PCP4: variants seen among roughly 807,000 people sequenced by gnomAD.
PCP4 encodes the protein Purkinje cell protein 4.
A neutral mutation model predicts 10.0 loss-of-function variants in PCP4; 8 were observed. The ratio of observed to expected loss-of-function variants is 0.80; its 90% confidence interval spans 0.47 to 1.45. PCP4 has a LOEUF of 1.45. PCP4 is among the 40% of genes most tolerant of loss of function. The probability of loss-of-function intolerance (pLI) is 0.00; values close to 1 mark genes in which losing one functional copy is unlikely to be tolerated. For missense variants in PCP4, 54 were observed against 74.4 expected, an observed-to-expected ratio of 0.73 and a Z score of 1.01; for synonymous variants, 21 against 23.0, an observed-to-expected ratio of 0.91 and a Z score of 0.24.
intron 2 of PCP4, among the ~76,000 whole-genome samples, chr21:39,915,191 G>A (rs1279049520): frequency 2.0e-5 from 3 of 151,256 alleles, no homozygotes; most frequent in African/African-American, 7.3e-5. Context: ...CAGAGGGAAT[G>A]TTGCCAAAGG....
intron 2 of PCP4, among the ~76,000 whole-genome samples, chr21:39,908,494 G>C (rs937953477): frequency 6.6e-6 from 1 of 152,160 alleles, no homozygotes; most frequent in Non-Finnish European, 1.5e-5. Context: ...GGGCAGGCAC[G>C]GTTCTCCCCT....
intron 1 of PCP4, among the ~76,000 whole-genome samples, chr21:39,891,474 G>A (rs2087430887): frequency 6.6e-6 from 1 of 152,252 alleles, no homozygotes; most frequent in South Asian, 2.1e-4. Flanking sequence ...AGAGATGGCA[G>A]CTGGTGGTGT....
intron 2 of PCP4, among the ~76,000 whole-genome samples, chr21:39,915,908 T>C (rs1025662985): frequency 6.6e-6 from 1 of 152,152 alleles, no homozygotes; most frequent in South Asian, 2.1e-4. Flanking sequence ...ACAAAGGCAA[T>C]GAACAGACTC....
At position 39,929,091 on chromosome 21, in the gene PCP4, A is replaced by G. The variant is rs2087638598; in HGVS notation, c.169A>G (p.Lys57Glu). ...TCAGTTCAGAAAATTCCAGAAGAAG[A>G]AGGCTGGGTCTCAGTCCTAGTGGGA... ...QSQFRKFQKK[K>E]AGSQS is the part of the protein sequence containing the mutation. The change falls in exon 3 of 3, where the codon AAG (lysine) becomes GAG (glutamate). Residue 57 changes from lysine (K) to glutamate (E), a missense_variant. Physicochemically the swap from Lys to Glu is moderately conservative, Grantham distance 56 (BLOSUM62 1). Transcript: ENST00000328619. 6.2e-7 allele frequency: 1 copy of G among 1,613,720 alleles called. No homozygotes were observed. The highest frequency in any genetic ancestry group is 8.5e-7 in the Non-Finnish European group (1 of 1,179,802).
intron 1 of PCP4, among the ~76,000 whole-genome samples, chr21:39,879,863 A>G (rs1441375287): frequency 6.6e-6 from 1 of 152,162 alleles, no homozygotes; most frequent in African/African-American, 2.4e-5. Flanking sequence ...AAAAATCAAT[A>G]CGATGCCCCT....
intron 2 of PCP4, among the ~76,000 whole-genome samples, chr21:39,907,914 A>T (rs1164948322): frequency 6.6e-6 from 1 of 152,210 alleles, no homozygotes; most frequent in Non-Finnish European, 1.5e-5. Flanking sequence ...GAAGCAAGAA[A>T]TGCAGGGTTC....
intron 2 of PCP4, among the ~76,000 whole-genome samples, chr21:39,925,491 C>T (rs1044054499): frequency 6.6e-6 from 1 of 152,230 alleles, no homozygotes; most frequent in Non-Finnish European, 1.5e-5. Context: ...CGGACAAAGT[C>T]CCGGGCCTCA....
intron 2 of PCP4, among the ~76,000 whole-genome samples, chr21:39,909,700 C>T (rs1013939887): frequency 3.3e-5 from 5 of 152,136 alleles, no homozygotes; most frequent in African/African-American, 9.7e-5. Flanking sequence ...TGAAAACTCT[C>T]CCTTCAGGAA....
chr21:39,914,417 C>T (rs2087558002), intron 2 of PCP4, among the ~76,000 whole-genome samples: 2 of 151,916 alleles, frequency 1.3e-5, no homozygotes, highest in Non-Finnish European at 2.9e-5. Context: ...CTACTAAAAA[C>T]ATACACACAC....
Position 39,867,459 on chromosome 21 carries a change from T to G in PCP4, c.-43T>G. The G allele has an allele frequency of 6.2e-7, 1 of 1,613,396 alleles. No homozygotes were observed. On this transcript the variant is annotated 5_prime_UTR_variant, in exon 1 of 3. Transcript: ENST00000328619. ...GAGCAGCGACCCCTGAGCAGTGTTCTCTGTGCTGAGCGGCGGGACTGAGCT... is the reference window on the plus strand; with the variant it reads ...GAGCAGCGACCCCTGAGCAGTGTTCGCTGTGCTGAGCGGCGGGACTGAGCT...
chr21:39,927,374 A>G (rs562916244), intron 2 of PCP4, among the ~76,000 whole-genome samples: 6 of 2,780 alleles, frequency 2.2e-3, no homozygotes, highest in East Asian at 9.4e-3. Flanking sequence ...TCTATCATCT[A>G]TCTATCTATC....
chr21:39,876,127 A>AAT (rs1039848898), intron 1 of PCP4, among the ~76,000 whole-genome samples: 11 of 150,310 alleles, frequency 7.3e-5, no homozygotes, highest in Non-Finnish European at 1.0e-4. Context: ...TATAGTAAAT[A>AAT]ATATATATAT....
At chr21:39,928,888 A>G in intron 2 of PCP4, 96 bp from the exon 3 acceptor site, 2 of 1,244,784 alleles carry the variant, frequency 1.6e-6, no homozygotes, top group South Asian at 1.4e-5. Flanking sequence ...TGTGTGCCCC[A>G]AGGTGGACTT....
intron 2 of PCP4, among the ~76,000 whole-genome samples, chr21:39,913,371 C>T (rs1017238310): frequency 7.2e-5 from 11 of 152,126 alleles, no homozygotes; most frequent in Non-Finnish European, 1.0e-4. Flanking sequence ...CAGGGCTGGC[C>T]GTCCCTAGAA....
rs907749727 is a variant in PCP4 at position 39,906,489 on chromosome 21, G to C, written c.61+7962G>C. Among the ~76,000 whole-genome samples the C allele has an allele frequency of 6.6e-6, 1 of 152,032 alleles. No homozygotes were observed. The highest frequency in any genetic ancestry group is 1.5e-5 in the Non-Finnish European group (1 of 68,004). ...CATCAAAGCAACATGTTCATTTATA[G>C]CCTCTTCATATTTCACCTGCCCTCT... On this transcript the variant is annotated intron_variant, in intron 2 of 2. Transcript: ENST00000328619. This position sits in a 1 kb window ranked among gnomAD's most constrained non-coding sequence, Gnocchi z 6.3.
chr21:39,873,494 T>C (rs534990418), intron 1 of PCP4, among the ~76,000 whole-genome samples: 11 of 152,296 alleles, frequency 7.2e-5, no homozygotes, highest in African/African-American at 2.4e-4. Flanking sequence ...AAAATTTATA[T>C]GCAAAAAGGG....
intron 2 of PCP4, chr21:39,926,265 T>A: frequency 3.4e-6 from 1 of 290,764 alleles, no homozygotes; most frequent in South Asian, 3.3e-5. Context: ...GGCTGAGATA[T>A]CAGTTTAAGA....
At chr21:39,909,659 G>A (rs999239637) in intron 2 of PCP4, among the ~76,000 whole-genome samples, 1 of 152,176 alleles carries the variant, frequency 6.6e-6, no homozygotes, top group African/African-American at 2.4e-5. Context: ...GAACTGGGAA[G>A]TCAGCGACGT....
At chr21:39,875,488 G>A (rs1319326621) in intron 1 of PCP4, among the ~76,000 whole-genome samples, 2 of 152,128 alleles carry the variant, frequency 1.3e-5, no homozygotes, top group Non-Finnish European at 2.9e-5. Context: ...AGAGTTTTAG[G>A]TGGAAATAGC....
Sources: allele counts gnomAD v4.1 joint callset (sites outside exome capture counted in the v4.1 genomes callset), GRCh38; gene constraint gnomAD v4.1.1; non-coding constraint Gnocchi (gnomAD v3.1); transcripts MANE v1.5; gene names NCBI Gene and HGNC (gene_info 2026-07-23, HGNC 2026-07-21).